AMPD1: variants seen among roughly 807,000 people sequenced by gnomAD.
The protein encoded by AMPD1 is AMP deaminase 1.
In AMPD1, 74 loss-of-function variants were observed where a neutral mutation model predicts 82.9. That is an observed-to-expected ratio of 0.89 (90% CI 0.74 to 1.08). AMPD1 has a LOEUF of 1.08. AMPD1 is among the 50% of genes least tolerant of loss of function. The pLI, the probability that AMPD1 is intolerant of heterozygous loss-of-function variation, is 0.00. For missense variants in AMPD1, 881 were observed against 924.5 expected (o/e 0.95, Z 0.61); for synonymous variants, 333 against 320.5 (o/e 1.04, Z -0.42).
chr1:114,693,342 G>A, intron 2 of AMPD1, 94 bp downstream of exon 2: 2 of 1,248,236 alleles, frequency 1.6e-6, no homozygotes, highest in Non-Finnish European at 2.4e-6. Flanking sequence ...AATAAACACT[G>A]CTGAAAAATA....
intron 15 of AMPD1, 24 bp downstream of exon 15, chr1:114,673,615 G>A (rs995429820): frequency 6.4e-7 from 1 of 1,564,788 alleles, no homozygotes; most frequent in Non-Finnish European, 8.8e-7. Context: ...ACTCAGAAGG[G>A]AAGCCATTTG....
chr1:114,679,549 G>T, intron 7 of AMPD1, 30 bp downstream of exon 7: 1 of 1,612,924 alleles, frequency 6.2e-7, no homozygotes, highest in Non-Finnish European at 8.5e-7. Context: ...TTTTGCCCAG[G>T]AATTACCCCT....
chr1:114,689,108 G>T (rs903542464), intron 2 of AMPD1, among the ~76,000 whole-genome samples: 6 of 152,190 alleles, frequency 3.9e-5, no homozygotes, highest in Non-Finnish European at 7.3e-5. Flanking sequence ...TTCCCATTAG[G>T]TTGGTGGAGT....
At chr1:114,680,173 G>A in intron 6 of AMPD1, 86 bp downstream of exon 6, 1 of 1,177,072 alleles carries the variant, frequency 8.5e-7, no homozygotes, top group Non-Finnish European at 1.3e-6. Context: ...TAAATACTTA[G>A]TCTCACTATC....
intron 5 of AMPD1, 137 bp downstream of exon 5, chr1:114,684,062 G>C: frequency 1.1e-6 from 1 of 938,996 alleles, no homozygotes. Context: ...TTGGACACGT[G>C]AGGAAATGGG....
At chr1:114,674,618 A>T in intron 13 of AMPD1, 134 bp downstream of exon 13, 1 of 1,141,464 alleles carries the variant, frequency 8.8e-7, no homozygotes, top group Non-Finnish European at 1.2e-6. Flanking sequence ...AACTGCACTA[A>T]ACTAAAAAAT....
rs1328332134 is a variant in AMPD1, at chr1:114,675,362, C to T, written c.1679+168G>A. Among the ~76,000 whole-genome samples the T allele has an allele frequency of 1.3e-5, 2 of 151,844 alleles. 1 individual carries two copies. Among genetic ancestry groups the T allele is most frequent in the African/African-American group, 4.8e-5 (2 of 41,322 alleles). On this transcript the variant is annotated intron_variant, in intron 12 of 15. Transcript: ENST00000520113. ...AAAGCATCGAAATACCGATTTCTGC[C>T]CCAAAATAAATAAACTGAAGAAAAA...
rs1410880563 is a variant in AMPD1, at chr1:114,675,683, A to C, written c.1526T>G (p.Phe509Cys). 1.2e-6 allele frequency: 2 copies of C among 1,614,092 alleles called. No homozygotes were observed. The highest frequency in any genetic ancestry group is 1.7e-6 in the Non-Finnish European group (2 of 1,180,034). ...TTTGGACTCATCATCCACACTGTCA[A>C]AGCCAGTGATCTGTTAGGAAAAGTG... ...LSVFLKHITGFDSVDDESKHS... is the reference protein window; with the variant it reads ...LSVFLKHITGCDSVDDESKHS... Residue 509 changes from phenylalanine to cysteine, a missense_variant, in exon 12 of 16, where the codon TTT becomes TGT. This residue lies in a region of AMPD1 where 783 missense variants were observed against 786.4 expected (regional missense o/e 1.00). Transcript: ENST00000520113.
At position 114,678,058 on chromosome 1, in the gene AMPD1, G is replaced by T; in HGVS notation, c.1093-17C>A. ...CTGGCGTCCCTGAATCAGGAAAAAA[G>T]AGCAGAGATGTATTATTACCAGAGC... On this transcript the variant is annotated splice_polypyrimidine_tract_variant and intron_variant, in intron 8 of 15. Coordinates refer to ENST00000520113, the MANE Select transcript of AMPD1 (RefSeq NM_000036.3). The T allele has an allele frequency of 6.2e-7, 1 of 1,613,630 alleles. No individual in the cohort carries two copies. The highest frequency in any genetic ancestry group is 8.5e-7 in the Non-Finnish European group (1 of 1,179,968).
In AMPD1 at chr1:114,675,637, G is replaced by A; in HGVS notation, c.1572C>T (p.Ser524=). 1 of 1,614,212 alleles carries A rather than the reference G, an allele frequency of 6.2e-7. No individual in the cohort carries two copies. Among genetic ancestry groups the A allele is most frequent in the Non-Finnish European group, 8.5e-7 (1 of 1,180,034 alleles). The change falls in exon 12 of 16, where the codon TCC becomes TCT. Residue 524 remains serine, a synonymous_variant. Transcript: ENST00000520113. The part of the protein sequence containing the change: ...DESKHSGHMF[S]SKSPKPQEWT... ...ACTCCTGGGGCTTGGGACTCTTGGAGGAGAACATGTGGCCACTGTGTTTGG... is the reference window on the plus strand; with the variant it reads ...ACTCCTGGGGCTTGGGACTCTTGGAAGAGAACATGTGGCCACTGTGTTTGG...
At chr1:114,678,293 T>C in intron 8 of AMPD1, 40 bp downstream of exon 8, 1 of 1,602,590 alleles carries the variant, frequency 6.2e-7, no homozygotes. Flanking sequence ...TGTGGGGTTC[T>C]GAGTATTAGA....
rs201837665 is a variant in AMPD1 at position 114,688,684 on chromosome 1, T to A, written c.92A>T (p.Asp31Val). ...GGAAATCTCCTGACGACCTCCTTCA[T>A]CTTTGACTTCAGAGGCAAACACTTT... is the stretch of plus-strand genomic sequence containing the variant. ...AEKVFASEVK[D>V]EGGRQEISPF... The change falls in exon 3 of 16, where the codon GAT (aspartate) becomes GTT (valine). Residue 31 changes from aspartate (D) to valine (V), a missense_variant. Asp to Val is a radical substitution (Grantham distance 152). Transcript: ENST00000520113. 6.2e-6 allele frequency: 10 copies of A among 1,614,114 alleles called. No homozygotes were observed. In the African/African-American group the frequency reaches 1.3e-4, roughly 22 times the overall value.
At chr1:114,685,179 C>T (rs1055663993) in intron 4 of AMPD1, among the ~76,000 whole-genome samples, 1 of 152,196 alleles carries the variant, frequency 6.6e-6, no homozygotes, top group African/African-American at 2.4e-5. Flanking sequence ...GACCTGCTGT[C>T]CTTGGCCAAA....
In AMPD1 at chr1:114,677,999, ATT is replaced by A. The variant is rs1319082211; in HGVS notation, c.1133_1134del (p.Lys378IlefsTer2). On this transcript the variant is annotated frameshift_variant, in exon 9 of 16. Coordinates refer to ENST00000520113, the MANE Select transcript of AMPD1 (RefSeq NM_000036.3). LOFTEE classifies it high-confidence loss of function. ...AGCTCACTTGCTCCTACAGGATTAT[ATT>A]TGTCATTGAACTTATCAAAACGCTG... Reference protein sequence around the residue: ...TFQRFDKFNDKYNPVGASELR... With the variant: ...TFQRFDKFNDXYNPVGASELR... 6.2e-7 allele frequency: 1 copy of A among 1,613,978 alleles called. No homozygotes were observed. The highest frequency in any genetic ancestry group is 2.2e-5 in the East Asian group (1 of 44,866).
chr1:114,678,653 CAGTT>C (rs1658071045), intron 7 of AMPD1, 126 bp from the exon 8 acceptor site: 3 of 906,894 alleles, frequency 3.3e-6, no homozygotes, highest in Non-Finnish European at 5.3e-6. Flanking sequence ...TGTGAGCTGA[CAGTT>C]GGTGGAGGTG....
At position 114,675,928 on chromosome 1, in the gene AMPD1, C is replaced by G. The variant is rs80266556; in HGVS notation, c.1464G>C (p.Glu488Asp). ...GGTCAGCCTGGGGGTTGATGGTGGCCTCAAACACTGGCATGAAAATATTCT... is the reference window on the plus strand; with the variant it reads ...GGTCAGCCTGGGGGTTGATGGTGGCGTCAAACACTGGCATGAAAATATTCT... ...MLENIFMPVF[E>D]ATINPQADPE... The change falls in exon 11 of 16, where the codon GAG (glutamate) becomes GAC (aspartate). Residue 488 changes from glutamate to aspartate, a missense_variant. Around this residue, in one of 2 missense-constraint regions of AMPD1, gnomAD observed 783 missense variants for 786.4 expected, o/e 1.00. Transcript: ENST00000520113. The G allele has an allele frequency of 5.0e-6, 8 of 1,614,090 alleles. No homozygotes were observed. The highest frequency in any genetic ancestry group is 5.1e-6 in the Non-Finnish European group (6 of 1,180,030).
At chr1:114,679,404 G>A (rs1246052401) in intron 7 of AMPD1, among the ~76,000 whole-genome samples, 175 bp downstream of exon 7, 2 of 152,312 alleles carry the variant, frequency 1.3e-5, no homozygotes, top group East Asian at 3.9e-4. Context: ...GAAAACGATA[G>A]AAATGGCACT....
intron 10 of AMPD1, 101 bp from the exon 11 acceptor site, chr1:114,676,104 A>G: frequency 1.5e-6 from 2 of 1,363,008 alleles, no homozygotes; most frequent in Non-Finnish European, 1.0e-6. Context: ...GCACAGGAAA[A>G]GACGTGGTAT....
intron 2 of AMPD1, among the ~76,000 whole-genome samples, chr1:114,690,890 G>C (rs2101726042): frequency 6.6e-6 from 1 of 152,286 alleles, no homozygotes; most frequent in African/African-American, 2.4e-5. Flanking sequence ...TGATGAAACT[G>C]GTCAGTCATG....
Sources: allele counts gnomAD v4.1 joint callset (sites outside exome capture counted in the v4.1 genomes callset), GRCh38; gene constraint gnomAD v4.1.1; regional missense constraint gnomAD v4.1.1; transcripts MANE v1.5; gene names NCBI Gene and HGNC (gene_info 2026-07-23, HGNC 2026-07-21).